ROBO1: variants seen among roughly 807,000 people sequenced by gnomAD.
The protein encoded by ROBO1 is roundabout homolog 1.
In ROBO1, 149 loss-of-function variants were observed where a neutral mutation model predicts 195.9. That is an observed-to-expected ratio of 0.76 (90% CI 0.67 to 0.87). ROBO1 has a LOEUF of 0.87. Among genes scored for constraint, ROBO1 ranks in the 40% least tolerant of loss-of-function variants. ROBO1 has a pLI of 0.00. For synonymous variants in ROBO1, 816 were observed against 733.2 expected, an observed-to-expected ratio of 1.11 and a Z score of -1.82; for missense variants, 1,933 against 2,068.3, an observed-to-expected ratio of 0.93 and a Z score of 1.27.
At chr3:78,838,610 T>G (rs1355361931) in intron 4 of ROBO1, among the ~76,000 whole-genome samples, 2 of 152,122 alleles carry the variant, frequency 1.3e-5, no homozygotes, top group East Asian at 3.9e-4. Flanking sequence ...CGTGCCAGGT[T>G]CTTTTTAACA....
rs759471208 is a variant in ROBO1 at position 79,541,811 on chromosome 3, ATG to A, written c.88+48011_88+48012del. Among the ~76,000 whole-genome samples, 761 of 146,990 alleles carry A rather than the reference ATG, an allele frequency of 5.2e-3. 6 individuals carry two copies. The highest frequency in any genetic ancestry group is 0.017 in the African/African-American group (674 of 40,052). On this transcript the variant is annotated intron_variant, in intron 2 of 30. Transcript: ENST00000464233. ...TGTATATACATATATGTGTATATAT[ATG>A]TGTGTGTGTGTGTGTGTATATATAT... is the stretch of plus-strand genomic sequence containing the variant.
At chr3:79,487,877 A>G (rs1939245886) in intron 2 of ROBO1, among the ~76,000 whole-genome samples, 1 of 152,166 alleles carries the variant, frequency 6.6e-6, no homozygotes, top group South Asian at 2.1e-4. Flanking sequence ...TTTTCCCTAG[A>G]TAGAAATAGA....
intron 2 of ROBO1, among the ~76,000 whole-genome samples, chr3:79,291,180 C>A (rs2032223557): frequency 1.3e-5 from 2 of 152,146 alleles, no homozygotes. Context: ...CACTTAGACT[C>A]AAAATTTGAT....
intron 3 of ROBO1, among the ~76,000 whole-genome samples, chr3:79,022,340 T>A (rs181694388): frequency 2.8e-4 from 43 of 152,264 alleles, no homozygotes; most frequent in Admixed American, 2.5e-3. Context: ...TTAGAACTCC[T>A]ACTATGGGAA....
chr3:79,225,162 C>A (rs549839237), intron 2 of ROBO1, among the ~76,000 whole-genome samples: 1 of 151,372 alleles, frequency 6.6e-6, no homozygotes, highest in East Asian at 1.9e-4. Flanking sequence ...TTTAGTAATT[C>A]TTTGGGGGGG....
intron 2 of ROBO1, among the ~76,000 whole-genome samples, chr3:79,181,899 CTGGGAG>C (rs1303199841): frequency 7.2e-6 from 1 of 139,750 alleles, no homozygotes; most frequent in Non-Finnish European, 1.5e-5. Context: ...GCATTCCAAT[CTGGGAG>C]AAAGAGCGAG....
chr3:79,111,799 A>G (rs758967669), intron 3 of ROBO1, among the ~76,000 whole-genome samples: 16 of 152,178 alleles, frequency 1.1e-4, no homozygotes, highest in Non-Finnish European at 1.3e-4. Context: ...AGCAGCTGGA[A>G]ATGGTTCCAG....
intron 2 of ROBO1, among the ~76,000 whole-genome samples, chr3:79,551,616 C>A (rs1942514660): frequency 1.3e-5 from 2 of 151,862 alleles, no homozygotes; most frequent in African/African-American, 4.8e-5. Flanking sequence ...AAATATTAAT[C>A]TAGGCGAAGA....
At chr3:78,695,143 T>A (rs999438018) in intron 8 of ROBO1, among the ~76,000 whole-genome samples, 2 of 145,900 alleles carry the variant, frequency 1.4e-5, no homozygotes, top group Admixed American at 1.4e-4. Context: ...GGGGGAGGAC[T>A]AGCATTAGGA....
Position 79,144,212 on chromosome 3 carries a change from G to A in ROBO1, c.89-18673C>T, listed in dbSNP as rs972501698. ...ACATTTTCATTTCTCTGAGATAAAT[G>A]CCAAGGGCATTTGGTAATCAATATT... is the stretch of plus-strand genomic sequence containing the variant. On this transcript the variant is annotated intron_variant, in intron 2 of 30. Transcript: ENST00000464233. Among the ~76,000 whole-genome samples, 6 of 152,088 alleles carry A rather than the reference G, an allele frequency of 3.9e-5. No homozygotes were observed. In the East Asian group the frequency reaches 1.2e-3, roughly 29 times the overall value.
chr3:79,490,773 T>G (rs889629522), intron 2 of ROBO1, among the ~76,000 whole-genome samples: 1 of 152,208 alleles, frequency 6.6e-6, no homozygotes, highest in Non-Finnish European at 1.5e-5. Flanking sequence ...CTTGTGCTTA[T>G]GCATATTTGC....
At chr3:78,634,944 T>C (rs1253837977) in intron 23 of ROBO1, among the ~76,000 whole-genome samples, 3 of 152,180 alleles carry the variant, frequency 2.0e-5, no homozygotes, top group South Asian at 2.1e-4. Flanking sequence ...AAAATGTCTA[T>C]GTCTCCAATT....
At chr3:79,026,999 C>A (rs1190016758) in intron 3 of ROBO1, among the ~76,000 whole-genome samples, 2 of 151,914 alleles carry the variant, frequency 1.3e-5, no homozygotes, top group Non-Finnish European at 2.9e-5. Flanking sequence ...TATGTTTAGT[C>A]CCACCTGTTG....
chr3:78,992,111 A>G (rs1016653697), intron 3 of ROBO1, among the ~76,000 whole-genome samples: 1 of 152,198 alleles, frequency 6.6e-6, no homozygotes, highest in African/African-American at 2.4e-5. Context: ...CTCCAGGATA[A>G]TAATTTCTAC....
intron 4 of ROBO1, among the ~76,000 whole-genome samples, chr3:78,806,968 T>A (rs1215211840): frequency 6.6e-6 from 1 of 151,972 alleles, no homozygotes; most frequent in African/African-American, 2.4e-5. Flanking sequence ...CCACCACACC[T>A]GGCTAATTTT....
At chr3:78,856,472 A>G (rs1325468829) in intron 4 of ROBO1, among the ~76,000 whole-genome samples, 2 of 151,782 alleles carry the variant, frequency 1.3e-5, no homozygotes, top group African/African-American at 2.4e-5. Context: ...ATAAATTTGA[A>G]GGTCATTGAA....
At chr3:79,583,017 TC>T (rs927535565) in intron 2 of ROBO1, among the ~76,000 whole-genome samples, 20 of 152,020 alleles carry the variant, frequency 1.3e-4, no homozygotes, top group African/African-American at 4.6e-4. Flanking sequence ...TTTCATGCCC[TC>T]CTCAAGTTTT....
At chr3:78,973,489 A>C (rs1401101195) in intron 3 of ROBO1, among the ~76,000 whole-genome samples, 1 of 146,312 alleles carries the variant, frequency 6.8e-6, no homozygotes, top group Non-Finnish European at 1.5e-5. Flanking sequence ...TATTATATAT[A>C]TAAGAAGCTA....
chr3:79,229,408 A>G (rs2082283615), intron 2 of ROBO1, among the ~76,000 whole-genome samples: 1 of 152,136 alleles, frequency 6.6e-6, no homozygotes, highest in African/African-American at 2.4e-5. Context: ...AAGTGACTGA[A>G]TAAGTTAGGG....
Sources: gnomAD v4.1 joint callset for allele counts (sites outside exome capture counted in the v4.1 genomes callset) on GRCh38, gnomAD v4.1.1 for gene constraint, MANE v1.5 for transcripts, NCBI Gene and HGNC (gene_info 2026-07-23, HGNC 2026-07-21) for gene names.